The following KIAA0753 variants were observed in gnomAD, a reference collection of about 807,000 sequenced individuals.
KIAA0753 encodes KIAA0753, also known as protein moonraker.
KIAA0753 carries 114 observed loss-of-function variants against 116.9 expected under a neutral mutation model. The observed-to-expected ratio is 0.98, with a 90% CI of 0.84 to 1.14. KIAA0753 has a LOEUF of 1.14. KIAA0753 is among the 50% of genes most tolerant of loss of function. The pLI, the probability that KIAA0753 is intolerant of heterozygous loss-of-function variation, is 0.00. For missense variants in KIAA0753, 1,156 were observed against 1,172.4 expected (o/e 0.99, Z 0.20); for synonymous variants, 405 against 413.1 (o/e 0.98, Z 0.24).
At chr17:6,601,604 A>G (rs1969878525) in intron 12 of KIAA0753, among the ~76,000 whole-genome samples, 1 of 152,244 alleles carries the variant, frequency 6.6e-6, no homozygotes, top group African/African-American at 2.4e-5. Context: ...CCAGATATCC[A>G]TTAAAGAAAA....
intron 18 of KIAA0753, among the ~76,000 whole-genome samples, chr17:6,585,277 ATCTT>A (rs1279281263): frequency 1.3e-5 from 2 of 152,074 alleles, no homozygotes; most frequent in Non-Finnish European, 2.9e-5. Context: ...ATCTTTTGTC[ATCTT>A]TCTTTTCCTT....
chr17:6,579,021 T>C lies in KIAA0753; in HGVS notation c.*726A>G, dbSNP rs1251892489. 1 of 152,264 alleles carries C rather than the reference T, an allele frequency of 6.6e-6. No individual in the cohort carries two copies. Among genetic ancestry groups the C allele is most frequent in the East Asian group, 1.9e-4 (1 of 5,206 alleles). 9.4% of individuals were successfully genotyped at this position (152,264 alleles called of 1,614,324 possible). ...CACAGGAGAAGGCCTGGTCCTCTCC[T>C]GATTCCTCAAACTTCCTCTGAATCC... On this transcript the variant is annotated 3_prime_UTR_variant, in exon 19 of 19. Coordinates refer to ENST00000361413, the MANE Select transcript of KIAA0753 (RefSeq NM_014804.3).
intron 16 of KIAA0753, 134 bp from the exon 17 acceptor site, chr17:6,590,764 G>T: frequency 1.3e-6 from 1 of 787,576 alleles, no homozygotes; most frequent in Non-Finnish European, 2.0e-6. Context: ...GGCTAGCAGT[G>T]CAATGGGAAA....
chr17:6,579,616 C>T lies in KIAA0753; in HGVS notation c.*131G>A, dbSNP rs1967991480. 1.3e-5 allele frequency: 9 copies of T among 684,830 alleles called. No individual in the cohort carries two copies. The highest frequency in any genetic ancestry group is 2.5e-5 in the East Asian group (1 of 40,058). The allele number at this position is 684,830 out of a possible 1,614,324, so 42.4% of individuals were successfully genotyped here. On this transcript the variant is annotated 3_prime_UTR_variant, in exon 19 of 19. Coordinates refer to ENST00000361413, the MANE Select transcript of KIAA0753 (RefSeq NM_014804.3). Reference sequence around the variant, plus strand: ...GTGAGGATGACCTCCCCGGCACTGCCTTCCTTTCAGTGGGCAGCACCTTCT... The same window carrying T: ...GTGAGGATGACCTCCCCGGCACTGCTTTCCTTTCAGTGGGCAGCACCTTCT...
intron 7 of KIAA0753, among the ~76,000 whole-genome samples, chr17:6,617,857 C>T (rs1177941661): frequency 6.6e-6 from 1 of 152,248 alleles, no homozygotes; most frequent in Admixed American, 6.5e-5. Flanking sequence ...AATCCCAACA[C>T]TCTGGGAGGC....
In KIAA0753 at chr17:6,621,032, T is replaced by C. The variant is rs1157154600; in HGVS notation, c.1105-34A>G. The C allele has an allele frequency of 1.9e-6, 3 of 1,600,570 alleles. No individual in the cohort carries two copies. The Admixed American group carries it at 5.1e-5, about 27-fold the overall frequency. ...AAAACAATCAATTATTCTCTTAGTT[T>C]ATCTCGCAAAAGTATGACTTTTAAT... On this transcript the variant is annotated intron_variant, in intron 6 of 18. Coordinates refer to ENST00000361413, the MANE Select transcript of KIAA0753 (RefSeq NM_014804.3).
At position 6,610,171 on chromosome 17, in the gene KIAA0753, T is replaced by A. The variant is rs751221256; in HGVS notation, c.1546-11A>T. 1 of 1,613,718 alleles carries A rather than the reference T, an allele frequency of 6.2e-7. No homozygotes were observed. Among genetic ancestry groups the A allele is most frequent in the Admixed American group, 1.7e-5 (1 of 60,002 alleles). On this transcript the variant is annotated splice_polypyrimidine_tract_variant and intron_variant, in intron 8 of 18. Coordinates refer to ENST00000361413, the MANE Select transcript of KIAA0753 (RefSeq NM_014804.3). ...AGCTTTGCGGAGTCCCTGTGAGAGA[T>A]AAGTAAGAATTATAAGGCCACACAA...
Position 6,623,143 on chromosome 17 carries a change from T to A in KIAA0753, c.889-46A>T, listed in dbSNP as rs760190174. 1.7e-5 allele frequency: 26 copies of A among 1,515,118 alleles called. No homozygotes were observed. In the Admixed American group the frequency reaches 4.8e-4, roughly 28 times the overall value. The allele number at this position is 1,515,118 out of a possible 1,614,324, so 93.9% of individuals were successfully genotyped here. ...AGAAGTTATTTCCATACTCAGAACT[T>A]GCTAACATTCACCCAACTTCTAAGA... is the stretch of plus-strand genomic sequence containing the variant. On this transcript the variant is annotated intron_variant, in intron 5 of 18. Coordinates refer to ENST00000361413, the MANE Select transcript of KIAA0753 (RefSeq NM_014804.3).
At position 6,614,231 on chromosome 17, in the gene KIAA0753, T is replaced by C. The variant is rs117048476; in HGVS notation, c.1316-2083A>G. Among the ~76,000 whole-genome samples, 520 of 152,310 alleles carry C rather than the reference T, an allele frequency of 3.4e-3. 3 individuals carry two copies. Among genetic ancestry groups the C allele is most frequent in the African/African-American group, 0.012 (484 of 41,568 alleles). ...GTTCTGGTAAAGTTTAAGATTCATA[T>C]ACACTGCAACCCAGCAATCTCACTC... On this transcript the variant is annotated intron_variant, in intron 7 of 18. Transcript: ENST00000361413.
At chr17:6,586,566 C>A (rs980569316) in intron 18 of KIAA0753, among the ~76,000 whole-genome samples, 92 of 152,266 alleles carry the variant, frequency 6.0e-4, no homozygotes, top group African/African-American at 2.2e-3. Context: ...TTTATTCATT[C>A]TTGTAGTGAC....
rs577283866 is a variant in KIAA0753 at position 6,591,810 on chromosome 17, C to T, written c.2441-1180G>A. On this transcript the variant is annotated intron_variant, in intron 16 of 18. Coordinates refer to ENST00000361413, the MANE Select transcript of KIAA0753 (RefSeq NM_014804.3). Reference sequence around the variant, plus strand: ...TCCTCGGCTTCCACACAGAAAGATGCTAAAATGCCCAAGGGCTGACTAAAC... The same window carrying T: ...TCCTCGGCTTCCACACAGAAAGATGTTAAAATGCCCAAGGGCTGACTAAAC... Among the ~76,000 whole-genome samples the T allele has an allele frequency of 4.6e-5, 7 of 152,372 alleles. 1 individual carries two copies. In the South Asian group the frequency reaches 1.4e-3, roughly 32 times the overall value.
chr17:6,628,176 T>C lies in KIAA0753; in HGVS notation c.659A>G (p.Gln220Arg). Residue 220 changes from glutamine to arginine, a missense_variant, in exon 3 of 19, where the codon CAG becomes CGG. Physicochemically the swap from Gln to Arg is conservative, Grantham distance 43 (BLOSUM62 1). Coordinates refer to ENST00000361413, the MANE Select transcript of KIAA0753 (RefSeq NM_014804.3). ...ACTGCTCAGTTCTTTCTGGAGTCGC[T>C]GGACTTCTAGCAGGCTTTTCTGTTC... ...ISEQKSLLEV[Q>R]RLQKELSSCI... 2 of 1,614,188 alleles carry C rather than the reference T, an allele frequency of 1.2e-6. No individual in the cohort carries two copies. Among genetic ancestry groups the C allele is most frequent in the Non-Finnish European group, 1.7e-6 (2 of 1,180,006 alleles).
At chr17:6,625,579 A>G (rs1232964227) in intron 3 of KIAA0753, among the ~76,000 whole-genome samples, 1 of 151,842 alleles carries the variant, frequency 6.6e-6, no homozygotes, top group African/African-American at 2.4e-5. Context: ...AGGCAGGAGA[A>G]CTGCTTGAAC....
intron 15 of KIAA0753, 71 bp from the exon 16 acceptor site, chr17:6,595,124 G>C (rs1372865700): frequency 1.8e-6 from 2 of 1,095,416 alleles, no homozygotes; most frequent in Non-Finnish European, 2.7e-6. Context: ...AACTGGTAAA[G>C]ATGTAAAAGT....
At chr17:6,616,221 G>A (rs772639474) in intron 7 of KIAA0753, among the ~76,000 whole-genome samples, 2 of 152,166 alleles carry the variant, frequency 1.3e-5, no homozygotes, top group Non-Finnish European at 2.9e-5. Context: ...GGTCCCAGGC[G>A]AGTCCCATTC....
chr17:6,621,539 G>A (rs893904095), intron 6 of KIAA0753, among the ~76,000 whole-genome samples: 12 of 152,118 alleles, frequency 7.9e-5, no homozygotes, highest in African/African-American at 2.7e-4. Context: ...CACCTGGTCA[G>A]GACAGATTAA....
rs570545115 is a variant in KIAA0753 at position 6,614,264 on chromosome 17, T to C, written c.1316-2116A>G. The stretch of plus-strand genomic sequence containing the variant: ...AACCCAGCAATCTCACTCCTAGGTA[T>C]ATACTCAGGCTAGAGGAACTCTCAC... On this transcript the variant is annotated intron_variant, in intron 7 of 18. Coordinates refer to ENST00000361413, the MANE Select transcript of KIAA0753 (RefSeq NM_014804.3). Among the ~76,000 whole-genome samples, 10 of 152,314 alleles carry C rather than the reference T, an allele frequency of 6.6e-5. No individual in the cohort carries two copies. The East Asian group carries it at 1.7e-3, about 26-fold the overall frequency.
chr17:6,632,253 C>CA (rs1489961326), intron 2 of KIAA0753, among the ~76,000 whole-genome samples: 1 of 152,122 alleles, frequency 6.6e-6, no homozygotes, highest in African/African-American at 2.4e-5. Flanking sequence ...GAGATCATGT[C>CA]AAAGAGACAC....
At chr17:6,622,386 T>C (rs187624149) in intron 6 of KIAA0753, among the ~76,000 whole-genome samples, 10 of 152,370 alleles carry the variant, frequency 6.6e-5, no homozygotes, top group African/African-American at 2.4e-4. Context: ...CAATGAAAAC[T>C]AAGAACACTA....
Sources: gnomAD v4.1 joint callset for allele counts (sites outside exome capture counted in the v4.1 genomes callset) on GRCh38, gnomAD v4.1.1 for gene constraint, MANE v1.5 for transcripts, NCBI Gene and HGNC (gene_info 2026-07-23, HGNC 2026-07-21) for gene names.